The following ACOX3 variants were observed in gnomAD, a reference collection of about 807,000 sequenced individuals.
The protein encoded by ACOX3 is peroxisomal acyl-coenzyme A oxidase 3.
Under a neutral mutation model 81.5 loss-of-function variants are expected in ACOX3, and 73 were observed. The observed-to-expected ratio is 0.90, with a 90% CI of 0.74 to 1.09. The LOEUF is 1.09. Among genes scored for constraint, ACOX3 ranks in the 50% least tolerant of loss-of-function variants. ACOX3 has a pLI of 0.00. For synonymous variants in ACOX3, 387 were observed against 375.1 expected (o/e 1.03, Z -0.37); for missense variants, 947 against 928.0 (o/e 1.02, Z -0.27).
intron 1 of ACOX3, chr4:8,439,346 C>A (rs1724451287): frequency 6.6e-6 from 1 of 152,206 alleles, no homozygotes; most frequent in Admixed American, 6.5e-5. Context: ...ACAAGAGCCT[C>A]CTCCTTTAGC....
intron 6 of ACOX3, among the ~76,000 whole-genome samples, chr4:8,408,891 T>TGG (rs200811549): frequency 1.4e-3 from 36 of 25,788 alleles, no homozygotes; most frequent in African/African-American, 3.8e-3. Flanking sequence ...GAGCCCTCAC[T>TGG]GGGGGGGGGG....
chr4:8,393,614 C>T (rs969889685), intron 10 of ACOX3, among the ~76,000 whole-genome samples: 10 of 111,530 alleles, frequency 9.0e-5, no homozygotes, highest in Middle Eastern at 5.1e-3. Flanking sequence ...GACACACACA[C>T]GCACACACAC....
chr4:8,362,885 A>G (rs1715264381), downstream of ACOX3, among the ~76,000 whole-genome samples: 1 of 152,270 alleles, frequency 6.6e-6, no homozygotes, highest in African/African-American at 2.4e-5. Flanking sequence ...AGCTTATGTG[A>G]AAAATAATTA....
chr4:8,402,174 C>A (rs1000228528), intron 7 of ACOX3, among the ~76,000 whole-genome samples: 2 of 152,356 alleles, frequency 1.3e-5, no homozygotes, highest in Admixed American at 1.3e-4. Context: ...TTCCACACTA[C>A]CAGGAGGAGC....
rs996624076 is a variant in ACOX3 at position 8,394,211 on chromosome 4, G to A, written c.1179+409C>T. Among the ~76,000 whole-genome samples the A allele has an allele frequency of 6.6e-6, 1 of 152,138 alleles. No homozygotes were observed. Among genetic ancestry groups the A allele is most frequent in the East Asian group, 1.9e-4 (1 of 5,198 alleles). ...CCGAGGCTGATCTCGGGATTTGCAC[G>A]CTCGTTTCTGGCACAAATCCTCTGA... On this transcript the variant is annotated intron_variant, in intron 10 of 17. Transcript: ENST00000356406. The surrounding 1 kb of genome is among the most constrained non-coding windows in gnomAD (Gnocchi z 5.9).
Position 8,366,946 on chromosome 4 carries a change from T to C in ACOX3, c.*15A>G, listed in dbSNP as rs368664684. On this transcript the variant is annotated 3_prime_UTR_variant, in exon 18 of 18. Transcript: ENST00000356406. ...CTTCGTTTCATTAGACTTGGCTGAA[T>C]GTGTGCCAGTCCCACTAGAGCTTCG... The C allele has an allele frequency of 1.2e-6, 2 of 1,613,382 alleles. No homozygotes were observed. The highest frequency in any genetic ancestry group is 2.7e-5 in the African/African-American group (2 of 75,028).
At chr4:8,377,675 G>A (rs1400493819) in intron 14 of ACOX3, among the ~76,000 whole-genome samples, 4 of 152,196 alleles carry the variant, frequency 2.6e-5, no homozygotes, top group Non-Finnish European at 5.9e-5. Flanking sequence ...GCAGTCACCG[G>A]GGGGGACACA....
In ACOX3 at chr4:8,366,615, G is replaced by C. The variant is rs950453383; in HGVS notation, c.*346C>G. 5.4e-6 allele frequency: 1 copy of C among 184,032 alleles called. No individual in the cohort carries two copies. The highest frequency in any genetic ancestry group is 2.3e-5 in the African/African-American group (1 of 42,710). 11.4% of individuals were successfully genotyped at this position (184,032 alleles called of 1,614,324 possible). Reference sequence around the variant, plus strand: ...AGATGAATCACAGGTTGTCTGACCAGAAGATCCCTGACAATGGGCTGTTTA... The same window carrying C: ...AGATGAATCACAGGTTGTCTGACCACAAGATCCCTGACAATGGGCTGTTTA... On this transcript the variant is annotated 3_prime_UTR_variant, in exon 18 of 18. Coordinates refer to ENST00000356406, the MANE Select transcript of ACOX3 (RefSeq NM_003501.3).
At position 8,383,488 on chromosome 4, in the gene ACOX3, C is replaced by T. The variant is rs555954211; in HGVS notation, c.1538-1881G>A. Among the ~76,000 whole-genome samples, 10 of 152,330 alleles carry T rather than the reference C, an allele frequency of 6.6e-5. 1 individual carries two copies. In the South Asian group the frequency reaches 2.1e-3, roughly 32 times the overall value. ...ACAAGATGCAGAGACAGCAAAGTCA[C>T]AGAGGAGGCAAAGGCTGGCATGATG... On this transcript the variant is annotated intron_variant, in intron 13 of 17. Transcript: ENST00000356406.
the ACOX3 span, among the ~76,000 whole-genome samples, chr4:8,360,341 T>C: frequency 6.6e-6 from 1 of 152,230 alleles, no homozygotes; most frequent in South Asian, 2.1e-4. Flanking sequence ...AAGTAATCTT[T>C]GGGAAATAAG....
chr4:8,363,878 C>T (rs1017426597), downstream of ACOX3, among the ~76,000 whole-genome samples: 1 of 152,114 alleles, frequency 6.6e-6, no homozygotes, highest in African/African-American at 2.4e-5. Context: ...AGGAAGTTAC[C>T]CTACAAGGTC....
chr4:8,420,992 C>T lies in ACOX3; in HGVS notation c.-14-4457G>A, dbSNP rs535580331. On this transcript the variant is annotated intron_variant, in intron 1 of 17. Coordinates refer to ENST00000356406, the MANE Select transcript of ACOX3 (RefSeq NM_003501.3). ...CTTCTAATAGAGCTATAACACTCAC[C>T]GCATGGCCCAAGGTTCCATTCCTTG... 8.5e-5 allele frequency among the ~76,000 whole-genome samples: 13 copies of T among 152,308 alleles called. No homozygotes were observed. In the East Asian group the frequency reaches 1.4e-3, roughly 16 times the overall value.
In ACOX3 at chr4:8,431,689, GGTGA is replaced by G. The variant is rs1344271563; in HGVS notation, c.-15+8955_-15+8958del. On this transcript the variant is annotated intron_variant, in intron 1 of 17. Coordinates refer to ENST00000356406, the MANE Select transcript of ACOX3 (RefSeq NM_003501.3). The surrounding 1 kb of genome is among the most constrained non-coding windows in gnomAD (Gnocchi z 5.3). ...CCCCTAGTGTGAACAGTAGGGGTGG[GGTGA>G]GTGTCATCAGTAACTCAGTGGACAA... 6.6e-5 allele frequency among the ~76,000 whole-genome samples: 10 copies of G among 152,206 alleles called. No individual in the cohort carries two copies. Among genetic ancestry groups the G allele is most frequent in the Non-Finnish European group, 1.0e-4 (7 of 68,032 alleles).
intron 1 of ACOX3, among the ~76,000 whole-genome samples, chr4:8,429,316 T>C (rs764634890): frequency 6.6e-6 from 1 of 152,264 alleles, no homozygotes; most frequent in Non-Finnish European, 1.5e-5. Context: ...TTTTCTTTTA[T>C]ACTTTGGTTT....
At chr4:8,440,420 CTGT>C (rs1446068763) in intron 1 of ACOX3, among the ~76,000 whole-genome samples, 1 of 152,176 alleles carries the variant, frequency 6.6e-6, no homozygotes, top group Non-Finnish European at 1.5e-5. Flanking sequence ...AAGGCACTGG[CTGT>C]AATGCCAGCA....
rs1183506619 is a variant in ACOX3, at chr4:8,373,620, A to T, written c.1837T>A (p.Phe613Ile). 5.0e-6 allele frequency: 8 copies of T among 1,612,372 alleles called. No homozygotes were observed. Among genetic ancestry groups the T allele is most frequent in the Non-Finnish European group, 6.8e-6 (8 of 1,179,284 alleles). ...HAALLYRGGY[F>I]SGEQAGEVLE... Reference sequence around the variant, plus strand: ...ACTTCTCCCGCCTGCTCACCGGAGAAGTATCCTCCTGCAAGCACAGCCTCG... The same window carrying T: ...ACTTCTCCCGCCTGCTCACCGGAGATGTATCCTCCTGCAAGCACAGCCTCG... Residue 613 changes from phenylalanine to isoleucine, a missense_variant, in exon 16 of 18, where the codon TTC (phenylalanine) becomes ATC (isoleucine). Transcript: ENST00000356406.
chr4:8,412,495 AATGAATGGATGGATGGAAGG>A (rs1468277392), intron 5 of ACOX3, among the ~76,000 whole-genome samples: 17 of 146,086 alleles, frequency 1.2e-4, no homozygotes, highest in Non-Finnish European at 2.4e-4. Flanking sequence ...TGGATGAGAG[AATGAATGGATGGATGGAAGG>A]ATGAATGGAT....
Position 8,381,655 on chromosome 4 carries a change from G to A in ACOX3, c.1538-48C>T. The A allele has an allele frequency of 1.4e-6, 2 of 1,439,402 alleles. No individual in the cohort carries two copies. The highest frequency in any genetic ancestry group is 1.9e-6 in the Non-Finnish European group (2 of 1,028,776). The allele number at this position is 1,439,402 out of a possible 1,614,324, so 89.2% of individuals were successfully genotyped here. A position where few individuals can be genotyped will look rare whatever the true frequency, so the allele number is the denominator to read the frequency against. On this transcript the variant is annotated intron_variant, in intron 13 of 17. Coordinates refer to ENST00000356406, the MANE Select transcript of ACOX3 (RefSeq NM_003501.3). This position sits in a 1 kb window ranked among gnomAD's most constrained non-coding sequence, Gnocchi z 4.3. ...AGAAAAAGTAACAATAGAGAACACA[G>A]CATTTGTCACAACTCACCCCCAGGG... is the stretch of plus-strand genomic sequence containing the variant.
chr4:8,371,119 G>A lies in ACOX3; in HGVS notation c.1897-125C>T, dbSNP rs1716138008. 5.1e-6 allele frequency: 4 copies of A among 781,692 alleles called. No homozygotes were observed. The East Asian group carries it at 8.0e-5, about 16-fold the overall frequency. 48.4% of individuals were successfully genotyped at this position (781,692 alleles called of 1,614,324 possible). The stretch of plus-strand genomic sequence containing the variant: ...ACGGGTCACCTGAGCGGCACGTGCG[G>A]CTCTGCTGCCCATGCGTGATCTCTT... On this transcript the variant is annotated intron_variant, in intron 16 of 17. Transcript: ENST00000356406.
Sources: gnomAD v4.1 joint callset for allele counts (sites outside exome capture counted in the v4.1 genomes callset) on GRCh38, gnomAD v4.1.1 for gene constraint, Gnocchi (gnomAD v3.1) non-coding constraint, MANE v1.5 for transcripts, NCBI Gene and HGNC (gene_info 2026-07-23, HGNC 2026-07-21) for gene names.